The following TACR3 variants were observed in gnomAD, a reference collection of about 807,000 sequenced individuals.
TACR3 encodes the protein tachykinin receptor 3, also known as neuromedin-K receptor.
In TACR3, 34 loss-of-function variants were observed where a neutral mutation model predicts 35.0. That is an observed-to-expected ratio of 0.97 (90% confidence interval 0.74 to 1.30). TACR3 has a LOEUF of 1.30. Ranked by LOEUF, TACR3 falls within the 50% of genes most tolerant of loss-of-function variation. The pLI, the probability that TACR3 is intolerant of heterozygous loss-of-function variation, is 0.00. For missense variants in TACR3, 558 were observed against 591.7 expected, an observed-to-expected ratio of 0.94 and a Z score of 0.59; for synonymous variants, 233 against 221.1, an observed-to-expected ratio of 1.05 and a Z score of -0.48.
chr4:103,681,989 TTAAA>T (rs1424345102), intron 1 of TACR3, among the ~76,000 whole-genome samples: 1 of 152,184 alleles, frequency 6.6e-6, no homozygotes, highest in Non-Finnish European at 1.5e-5. Context: ...CAAAACACTC[TTAAA>T]TAATTCATGT....
chr4:103,601,029 C>G (rs890932380), intron 3 of TACR3, among the ~76,000 whole-genome samples: 5 of 152,096 alleles, frequency 3.3e-5, no homozygotes, highest in Admixed American at 6.5e-5. Context: ...AACTTTCTCT[C>G]GTTGATCTGT....
intron 1 of TACR3, among the ~76,000 whole-genome samples, chr4:103,695,963 A>G (rs1216204411): frequency 2.0e-5 from 3 of 152,022 alleles, no homozygotes; most frequent in Admixed American, 2.0e-4. Flanking sequence ...TCCTTAGGTT[A>G]CCTTTTCTGT....
chr4:103,594,393 G>A (rs1487364610), intron 3 of TACR3, among the ~76,000 whole-genome samples: 1 of 152,064 alleles, frequency 6.6e-6, no homozygotes, highest in East Asian at 1.9e-4. Context: ...GGCCAGGCTT[G>A]TCTCAAACTC....
intron 3 of TACR3, among the ~76,000 whole-genome samples, chr4:103,626,845 T>C (rs1724902538): frequency 6.6e-6 from 1 of 151,980 alleles, no homozygotes. Flanking sequence ...GTAATCTATA[T>C]AATATAAAGT....
chr4:103,622,693 G>T (rs1178399885), intron 3 of TACR3, among the ~76,000 whole-genome samples: 1 of 152,118 alleles, frequency 6.6e-6, no homozygotes, highest in Non-Finnish European at 1.5e-5. Context: ...GCTTGATGAG[G>T]TGTTCAGAGT....
At chr4:103,591,155 G>A in intron 4 of TACR3, 1 of 331,076 alleles carries the variant, frequency 3.0e-6, no homozygotes, top group African/African-American at 2.1e-5. Flanking sequence ...GAGGATTTGA[G>A]CATATTTTCA....
intron 3 of TACR3, among the ~76,000 whole-genome samples, chr4:103,617,814 C>CA (rs1378590855): frequency 6.6e-6 from 1 of 152,012 alleles, no homozygotes; most frequent in African/African-American, 2.4e-5. Context: ...TGTAAACTTT[C>CA]ATATATAATG....
intron 1 of TACR3, among the ~76,000 whole-genome samples, chr4:103,660,650 T>A (rs1725823250): frequency 6.6e-6 from 1 of 152,044 alleles, no homozygotes; most frequent in South Asian, 2.1e-4. Flanking sequence ...CTCATCAAAA[T>A]GTATACATTA....
intron 1 of TACR3, among the ~76,000 whole-genome samples, chr4:103,703,060 A>T (rs1560538088): frequency 6.6e-6 from 1 of 152,188 alleles, no homozygotes; most frequent in Non-Finnish European, 1.5e-5. Flanking sequence ...ATAAAAAATA[A>T]TAAAATAAAA....
Position 103,629,731 on chromosome 4 carries a change from A to G in TACR3, c.888+26463T>C, listed in dbSNP as rs547349027. ...CCATACTGCCCAAGGTAATTTACAG[A>G]TTCAATGCCATCCCCATCAAGCTAC... On this transcript the variant is annotated intron_variant, in intron 3 of 4. Transcript: ENST00000304883. Among the ~76,000 whole-genome samples the G allele has an allele frequency of 3.5e-3, 531 of 152,052 alleles. 3 individuals carry two copies. The highest frequency in any genetic ancestry group is 5.6e-3 in the Non-Finnish European group (383 of 67,970).
intron 1 of TACR3, among the ~76,000 whole-genome samples, chr4:103,702,316 A>C (rs377152719): frequency 6.6e-6 from 1 of 152,124 alleles, no homozygotes; most frequent in African/African-American, 2.4e-5. Context: ...ATCATCACTG[A>C]CCATCAGAGA....
chr4:103,615,594 T>C (rs1303208060), intron 3 of TACR3, among the ~76,000 whole-genome samples: 1 of 152,214 alleles, frequency 6.6e-6, no homozygotes, highest in Non-Finnish European at 1.5e-5. Context: ...TGAATAGCTT[T>C]CCTATTAAAA....
rs148499624 is a variant in TACR3 at position 103,596,692 on chromosome 4, C to A, written c.889-5009G>T. ...ATATGGATACATGTCCCATGTTGGT[C>A]TGCTGCACCCATTAACTCGTCATTT... On this transcript the variant is annotated intron_variant, in intron 3 of 4. Transcript: ENST00000304883. 6.1e-3 allele frequency among the ~76,000 whole-genome samples: 920 copies of A among 151,984 alleles called. 11 individuals are homozygous for A. Among genetic ancestry groups the A allele is most frequent in the African/African-American group, 0.02 (835 of 41,466 alleles).
At chr4:103,656,159 T>C in intron 3 of TACR3, 35 bp downstream of exon 3, 1 of 1,611,608 alleles carries the variant, frequency 6.2e-7, no homozygotes, top group South Asian at 1.1e-5. Context: ...TACCATAACC[T>C]ATACAAATGC....
At chr4:103,649,960 C>T (rs549021924) in intron 3 of TACR3, among the ~76,000 whole-genome samples, 10 of 152,128 alleles carry the variant, frequency 6.6e-5, no homozygotes, top group African/African-American at 1.7e-4. Flanking sequence ...TCACAGTCTA[C>T]GCCCATTTGG....
chr4:103,683,470 C>CAAAAAAAAAAAAAAAAA (rs57761679), intron 1 of TACR3, among the ~76,000 whole-genome samples: 57 of 21,140 alleles, frequency 2.7e-3, no homozygotes, highest in Middle Eastern at 0.033. Context: ...AAAGACTGAC[C>CAAAAAAAAAAAAAAAAA]AAAAAAAAAA....
Position 103,604,753 on chromosome 4 carries a change from AG to A in TACR3, c.889-13071del, listed in dbSNP as rs1160278382. ...ATATGAAGAGACACTTCTCAAAACA[AG>A]ACAGTTATGTGGCCAACAAACATAT... On this transcript the variant is annotated intron_variant, in intron 3 of 4. Coordinates refer to ENST00000304883, the MANE Select transcript of TACR3 (RefSeq NM_001059.3). Among the ~76,000 whole-genome samples, 1,439 of 150,882 alleles carry A rather than the reference AG, an allele frequency of 9.5e-3. 45 individuals carry two copies. The highest frequency in any genetic ancestry group is 0.034 in the African/African-American group (1,367 of 40,182).
intron 1 of TACR3, among the ~76,000 whole-genome samples, chr4:103,715,660 C>T (rs551964415): frequency 8.5e-5 from 13 of 152,174 alleles, no homozygotes; most frequent in African/African-American, 3.1e-4. Context: ...GGATCATATG[C>T]CCTGAAATTT....
At chr4:103,702,283 A>G (rs1304116397) in intron 1 of TACR3, among the ~76,000 whole-genome samples, 2 of 152,262 alleles carry the variant, frequency 1.3e-5, no homozygotes, top group African/African-American at 4.8e-5. Flanking sequence ...TTATGCAGCC[A>G]AAAGACACAT....
Sources: allele counts gnomAD v4.1 joint callset (sites outside exome capture counted in the v4.1 genomes callset), GRCh38; gene constraint gnomAD v4.1.1; transcripts MANE v1.5; gene names NCBI Gene and HGNC (gene_info 2026-07-23, HGNC 2026-07-21).